The following GABRR1 variants were observed in gnomAD, a reference collection of about 807,000 sequenced individuals.
GABRR1 encodes the protein gamma-aminobutyric acid type A receptor subunit rho1.
Under a neutral mutation model 55.5 loss-of-function variants are expected in GABRR1, and 59 were observed. The observed-to-expected ratio is 1.06, with a 90% confidence interval of 0.86 to 1.32. GABRR1 has a LOEUF of 1.32. Ranked by LOEUF, GABRR1 falls within the 40% of genes most tolerant of loss-of-function variation. The pLI is 0.00. For synonymous variants in GABRR1, 213 were observed against 226.0 expected (o/e 0.94, Z 0.51); for missense variants, 602 against 619.1 (o/e 0.97, Z 0.29).
chr6:89,201,383 G>A (rs1037043860), intron 2 of GABRR1, 118 bp from the exon 3 acceptor site: 3 of 661,536 alleles, frequency 4.5e-6, no homozygotes, highest in Admixed American at 2.5e-5. Context: ...CTTCTTTTAA[G>A]CTATTGGACA....
intron 1 of GABRR1, among the ~76,000 whole-genome samples, chr6:89,227,900 C>A (rs1773224727): frequency 1.1e-5 from 1 of 86,966 alleles, no homozygotes; most frequent in African/African-American, 4.6e-5. Flanking sequence ...GTCCTGGACT[C>A]TTTTTGGTTG....
intron 3 of GABRR1, among the ~76,000 whole-genome samples, 176 bp downstream of exon 3, chr6:89,200,983 G>A (rs558669801): frequency 6.6e-6 from 1 of 152,138 alleles, no homozygotes; most frequent in Admixed American, 6.5e-5. Context: ...GCAGAACCCA[G>A]GGCGGGGCAA....
chr6:89,185,426 A>G lies in GABRR1; in HGVS notation c.680T>C (p.Met227Thr). The G allele has an allele frequency of 1.2e-6, 2 of 1,613,720 alleles. No individual in the cohort carries two copies. The highest frequency in any genetic ancestry group is 1.7e-6 in the Non-Finnish European group (2 of 1,179,656). Reference protein sequence around the residue: ...ESYAYTEDDLMLYWKKGNDSL... With the variant: ...ESYAYTEDDLTLYWKKGNDSL... ...GTCATTGCCCTTTTTCCAGTACAGC[A>G]TGAGGTCATCTTCTGTATAGGCATC... Residue 227 changes from methionine (M) to threonine (T), a missense_variant, in exon 7 of 10, where the codon ATG (methionine) becomes ACG (threonine). Transcript: ENST00000454853.
chr6:89,196,413 TTGG>T (rs1772273374), intron 5 of GABRR1, among the ~76,000 whole-genome samples: 1 of 152,172 alleles, frequency 6.6e-6, no homozygotes, highest in Non-Finnish European at 1.5e-5. Flanking sequence ...CTCTGTAGCC[TTGG>T]TGGTGCCATT....
At chr6:89,212,835 C>T (rs1029057) in intron 1 of GABRR1, among the ~76,000 whole-genome samples, 35,008 of 151,856 alleles carry the variant, frequency 0.23, 4,343 homozygotes, top group Admixed American at 0.32. Context: ...TGGCCAGCTA[C>T]ATTTTTTTGT....
At chr6:89,187,998 G>T (rs1009563698) in intron 6 of GABRR1, among the ~76,000 whole-genome samples, 2 of 151,890 alleles carry the variant, frequency 1.3e-5, no homozygotes, top group South Asian at 4.2e-4. Context: ...AAATGGATTT[G>T]CTGGATCATA....
chr6:89,210,555 C>T (rs1188368347), intron 1 of GABRR1, among the ~76,000 whole-genome samples: 1 of 152,150 alleles, frequency 6.6e-6, no homozygotes, highest in African/African-American at 2.4e-5. Flanking sequence ...CTGTCTCCCC[C>T]ACTAGACTGT....
intron 1 of GABRR1, among the ~76,000 whole-genome samples, chr6:89,206,602 T>C (rs1191579120): frequency 6.6e-6 from 1 of 151,254 alleles, no homozygotes; most frequent in Non-Finnish European, 1.5e-5. Context: ...GTGGGATCAA[T>C]AGATGAGAGA....
chr6:89,196,798 G>C (rs1246455033), intron 5 of GABRR1, among the ~76,000 whole-genome samples: 1 of 109,664 alleles, frequency 9.1e-6, no homozygotes, highest in African/African-American at 3.5e-5. Flanking sequence ...AAGAAGGAAA[G>C]AAAAGAAGAA....
chr6:89,223,568 A>T (rs938683613), intron 1 of GABRR1, among the ~76,000 whole-genome samples: 5 of 152,230 alleles, frequency 3.3e-5, no homozygotes, highest in African/African-American at 1.2e-4. Flanking sequence ...GATACTCAGT[A>T]GCGGGATTGC....
intron 1 of GABRR1, among the ~76,000 whole-genome samples, chr6:89,224,663 C>G (rs1056163814): frequency 3.3e-5 from 5 of 152,198 alleles, no homozygotes; most frequent in African/African-American, 1.2e-4. Context: ...TGTGCAGAAG[C>G]TCTTTAGTTT....
upstream of GABRR1, among the ~76,000 whole-genome samples, chr6:89,219,567 C>A (rs1196723237): frequency 6.6e-6 from 1 of 152,194 alleles, no homozygotes; most frequent in East Asian, 1.9e-4. Context: ...ACTGGGTGTT[C>A]TTTCAATAGA....
At position 89,178,794 on chromosome 6, in the gene GABRR1, T is replaced by C; in HGVS notation, c.1416A>G (p.Leu472=). The C allele has an allele frequency of 6.2e-7, 1 of 1,613,954 alleles. No individual in the cohort carries two copies. The highest frequency in any genetic ancestry group is 1.1e-5 in the South Asian group (1 of 91,080). Reference sequence around the variant, plus strand: ...TCTAGGAGAAAATAGACCAGTATATTAAATTGAATAAAATGTATGCTGCTG... The same window carrying C: ...TCTAGGAGAAAATAGACCAGTATATCAAATTGAATAAAATGTATGCTGCTG... ...IFPAAYILFN[L]IYWSIFS The change falls in exon 10 of 10, where the codon TTA becomes TTG. Residue 472 remains leucine, a synonymous_variant. Coordinates refer to ENST00000454853, the MANE Select transcript of GABRR1 (RefSeq NM_002042.5).
intron 1 of GABRR1, among the ~76,000 whole-genome samples, chr6:89,223,920 T>G (rs866758368): frequency 6.6e-6 from 1 of 151,570 alleles, no homozygotes; most frequent in Non-Finnish European, 1.5e-5. Context: ...TATGCCACCA[T>G]GCCCAGCTTA....
chr6:89,193,748 T>C (rs1406712887), intron 5 of GABRR1, among the ~76,000 whole-genome samples: 5 of 152,026 alleles, frequency 3.3e-5, no homozygotes, highest in Non-Finnish European at 5.9e-5. Flanking sequence ...GCTGCTTCAC[T>C]CCACACCACA....
intron 2 of GABRR1, 130 bp from the exon 3 acceptor site, chr6:89,201,395 C>A: frequency 1.6e-6 from 1 of 628,826 alleles, no homozygotes. Flanking sequence ...TATTGGACAT[C>A]CCCTCTTTCT....
chr6:89,204,006 C>T (rs1772564903), intron 1 of GABRR1, among the ~76,000 whole-genome samples: 1 of 152,168 alleles, frequency 6.6e-6, no homozygotes, highest in South Asian at 2.1e-4. Flanking sequence ...ACTAGCAATG[C>T]CTGTGTTACT....
At chr6:89,219,268 A>C (rs185447234), upstream of GABRR1, among the ~76,000 whole-genome samples, 710 of 152,292 alleles carry the variant, frequency 4.7e-3, 1 homozygote, top group Middle Eastern at 0.014. Context: ...ACTCCGTCCC[A>C]AAAAAAGAAA....
At chr6:89,224,258 A>C (rs1390195612) in intron 1 of GABRR1, among the ~76,000 whole-genome samples, 1 of 151,228 alleles carries the variant, frequency 6.6e-6, no homozygotes, top group African/African-American at 2.4e-5. Context: ...CGCCCAGCTA[A>C]TTTTTGTACT....
Sources: allele counts gnomAD v4.1 joint callset (sites outside exome capture counted in the v4.1 genomes callset), GRCh38; gene constraint gnomAD v4.1.1; transcripts MANE v1.5; gene names NCBI Gene and HGNC (gene_info 2026-07-23, HGNC 2026-07-21).